Variants in PHF20 observed in about 807,000 individuals in gnomAD.
PHF20 encodes the protein PHD finger protein 20.
A neutral mutation model predicts 113.5 loss-of-function variants in PHF20; 23 were observed. The ratio of observed to expected loss-of-function variants is 0.20; its 90% CI spans 0.15 to 0.29. The LOEUF (loss-of-function observed/expected upper bound fraction) is 0.29, where lower values mean the gene tolerates loss of function less well. Ranked by LOEUF, PHF20 falls within the 10% of genes least tolerant of loss-of-function variation. The pLI, the probability that PHF20 is intolerant of heterozygous loss-of-function variation, is 1.00. For synonymous variants in PHF20, 434 were observed against 457.3 expected, an observed-to-expected ratio of 0.95 and a Z score of 0.65; for missense variants, 943 against 1,219.6, an observed-to-expected ratio of 0.77 and a Z score of 3.38.
At chr20:35,790,384 AGAG>A (rs1416748943) in intron 1 of PHF20, among the ~76,000 whole-genome samples, 1 of 151,718 alleles carries the variant, frequency 6.6e-6, no homozygotes, top group Non-Finnish European at 1.5e-5. Context: ...TGTTTTTAGT[AGAG>A]GCGGGATTTC....
chr20:35,819,041 C>T (rs887880279), intron 2 of PHF20, among the ~76,000 whole-genome samples: 5 of 152,058 alleles, frequency 3.3e-5, no homozygotes, highest in Admixed American at 2.6e-4. Context: ...AGCGATTCTC[C>T]TGCTTCAGCC....
chr20:35,845,859 C>CCTGT (rs1483202858), intron 3 of PHF20, among the ~76,000 whole-genome samples: 2 of 149,928 alleles, frequency 1.3e-5, no homozygotes, highest in African/African-American at 4.9e-5. Context: ...CTCACTGCAA[C>CCTGT]CTGTCTTTCG....
intron 9 of PHF20, among the ~76,000 whole-genome samples, chr20:35,886,568 G>A (rs749276514): frequency 3.3e-5 from 5 of 152,172 alleles, no homozygotes; most frequent in Non-Finnish European, 7.3e-5. Context: ...CGTGATTGCC[G>A]ACAAGAATAG....
intron 13 of PHF20, among the ~76,000 whole-genome samples, chr20:35,918,963 G>T (rs2055457591): frequency 6.6e-6 from 1 of 152,172 alleles, no homozygotes; most frequent in African/African-American, 2.4e-5. Context: ...TTCTGTGATA[G>T]AATATTATTT....
intron 1 of PHF20, among the ~76,000 whole-genome samples, chr20:35,785,802 C>T (rs1787704760): frequency 6.6e-6 from 1 of 151,614 alleles, no homozygotes; most frequent in Admixed American, 6.6e-5. Flanking sequence ...GTGGCTCACG[C>T]TTGTAATCCC....
chr20:35,886,058 G>A (rs1032259271), intron 9 of PHF20, among the ~76,000 whole-genome samples: 26 of 150,368 alleles, frequency 1.7e-4, no homozygotes, highest in African/African-American at 5.1e-4. Context: ...TTCTTATGTC[G>A]TTCTATGGGT....
At chr20:35,825,054 T>C (rs1454010841) in intron 2 of PHF20, among the ~76,000 whole-genome samples, 1 of 152,246 alleles carries the variant, frequency 6.6e-6, no homozygotes, top group East Asian at 1.9e-4. Flanking sequence ...CATATGATTT[T>C]ACATCATATG....
chr20:35,862,873 G>T (rs1407082627), intron 5 of PHF20, 140 bp from the exon 6 acceptor site: 7 of 730,908 alleles, frequency 9.6e-6, no homozygotes, highest in Non-Finnish European at 1.6e-5. Context: ...GGTGGCTGTT[G>T]TCAGTGGTGC....
chr20:35,826,232 T>TG (rs1208542440), intron 2 of PHF20, among the ~76,000 whole-genome samples: 7 of 152,056 alleles, frequency 4.6e-5, no homozygotes, highest in Non-Finnish European at 1.0e-4. Flanking sequence ...TCAGTACAGA[T>TG]GGGGTTTCGC....
chr20:35,879,060 G>A (rs2054580835), intron 9 of PHF20, among the ~76,000 whole-genome samples: 2 of 152,164 alleles, frequency 1.3e-5, no homozygotes, highest in Non-Finnish European at 2.9e-5. Context: ...GGCCAACCCT[G>A]AAGTACTCCC....
intron 9 of PHF20, among the ~76,000 whole-genome samples, chr20:35,881,072 T>TTTTTTTTTA (rs2054623929): frequency 6.9e-6 from 1 of 144,370 alleles, no homozygotes; most frequent in African/African-American, 2.5e-5. Context: ...TTTTTTTTTC[T>TTTTTTTTTA]GAGACGGAGT....
chr20:35,806,460 A>G (rs751978339), intron 2 of PHF20, among the ~76,000 whole-genome samples: 8 of 152,000 alleles, frequency 5.3e-5, no homozygotes, highest in Non-Finnish European at 7.4e-5. Context: ...CATGCCTGGC[A>G]CATATTTAGG....
intron 9 of PHF20, among the ~76,000 whole-genome samples, chr20:35,895,967 G>A (rs1286151963): frequency 3.9e-5 from 6 of 152,086 alleles, no homozygotes; most frequent in Non-Finnish European, 8.8e-5. Context: ...GATTACAGGC[G>A]TGAGCCATCG....
chr20:35,891,316 G>A (rs1212486186), intron 9 of PHF20, among the ~76,000 whole-genome samples: 1 of 151,026 alleles, frequency 6.6e-6, no homozygotes, highest in Admixed American at 6.6e-5. Context: ...GGCGGAGGTT[G>A]CAGTGAGCTG....
At chr20:35,813,933 GAAA>G (rs57769210) in intron 2 of PHF20, among the ~76,000 whole-genome samples, 970 of 24,934 alleles carry the variant, frequency 0.039, 3 homozygotes, top group Non-Finnish European at 0.058. Flanking sequence ...CTCCGTCTCA[GAAA>G]AAAAAAAAAA....
chr20:35,786,607 C>T (rs1280540681), intron 1 of PHF20, among the ~76,000 whole-genome samples: 6 of 152,108 alleles, frequency 3.9e-5, no homozygotes, highest in Non-Finnish European at 8.8e-5. Context: ...GAGGCTGAGG[C>T]AGGAGAATCA....
At chr20:35,877,906 A>G (rs1037088097) in intron 9 of PHF20, among the ~76,000 whole-genome samples, 1 of 152,236 alleles carries the variant, frequency 6.6e-6, no homozygotes, top group African/African-American at 2.4e-5. Flanking sequence ...TATAAAACGA[A>G]TGAATTGTCA....
At chr20:35,901,726 G>A (rs184000956) in intron 10 of PHF20, among the ~76,000 whole-genome samples, 288 of 152,142 alleles carry the variant, frequency 1.9e-3, no homozygotes, top group Non-Finnish European at 3.5e-3. Context: ...TTTTGCCATC[G>A]GATCGATCTT....
chr20:35,864,407 A>AACACAC (rs376477234), intron 6 of PHF20, among the ~76,000 whole-genome samples: 3,577 of 132,472 alleles, frequency 0.027, 89 homozygotes, highest in African/African-American at 0.047. Context: ...CCCATCTCAA[A>AACACAC]ACACACACAC....
Sources: gnomAD v4.1 joint callset for allele counts (sites outside exome capture counted in the v4.1 genomes callset) on GRCh38, gnomAD v4.1.1 for gene constraint, MANE v1.5 for transcripts, NCBI Gene and HGNC (gene_info 2026-07-23, HGNC 2026-07-21) for gene names.